The following THY1 variants were observed in gnomAD, a reference collection of about 807,000 sequenced individuals.
THY1 encodes the protein Thy-1 cell surface antigen.
THY1 carries 10 observed loss-of-function variants against 14.9 expected under a neutral mutation model. The observed-to-expected ratio is 0.67, with a 90% CI of 0.41 to 1.14. The LOEUF is 1.14. THY1 is among the 50% of genes most tolerant of loss of function. The probability of loss-of-function intolerance (pLI) is 0.00; values close to 1 mark genes in which losing one functional copy is unlikely to be tolerated. For missense variants in THY1, 159 were observed against 202.1 expected, an observed-to-expected ratio of 0.79 and a Z score of 1.29; for synonymous variants, 80 against 90.0, an observed-to-expected ratio of 0.89 and a Z score of 0.63.
chr11:119,423,562 G>A (rs1281217755), upstream of THY1: 1 of 214,756 alleles, frequency 4.7e-6, no homozygotes, highest in South Asian at 6.4e-5. Context: ...GATGCAGGCC[G>A]GGAGCGCCCA....
In THY1 at chr11:119,416,465, G is replaced by A. The variant is rs145720229; in HGVS notation, c.*2943C>T. ...CCAGTCCTCAGCATGGTCATTCCGG[G>A]TAGGTTTATTTTATTTTTTATTTTT... On this transcript the variant is annotated 3_prime_UTR_variant, in exon 4 of 4. Coordinates refer to ENST00000284240, the MANE Select transcript of THY1 (RefSeq NM_006288.5). Among the ~76,000 whole-genome samples, 688 of 152,194 alleles carry A rather than the reference G, an allele frequency of 4.5e-3. 10 individuals are homozygous for A. The highest frequency in any genetic ancestry group is 0.021 in the South Asian group (99 of 4,818).
rs1861868188 is a variant in THY1 at position 119,420,149 on chromosome 11, G to A, written c.275C>T (p.Ser92Phe). ...SKYNMKVLYL[S>F]AFTSKDEGTY... ...GCCCTCGTCCTTGCTAGTGAAGGCG[G>A]ATAAGTAGAGGACCTTCATGTTGTA... The change falls in exon 3 of 4, where the codon TCC becomes TTC. Residue 92 changes from serine to phenylalanine, a missense_variant. Coordinates refer to ENST00000284240, the MANE Select transcript of THY1 (RefSeq NM_006288.5). 6.2e-7 allele frequency: 1 copy of A among 1,614,252 alleles called. No homozygotes were observed. The highest frequency in any genetic ancestry group is 1.1e-5 in the South Asian group (1 of 91,074).
chr11:119,419,353 T>G lies in THY1; in HGVS notation c.*55A>C. The G allele has an allele frequency of 1.4e-6, 2 of 1,481,130 alleles. No individual in the cohort carries two copies. The highest frequency in any genetic ancestry group is 1.9e-6 in the Non-Finnish European group (2 of 1,067,256). The allele number at this position is 1,481,130 out of a possible 1,614,324, so 91.7% of individuals were successfully genotyped here. On this transcript the variant is annotated 3_prime_UTR_variant, in exon 4 of 4. Coordinates refer to ENST00000284240, the MANE Select transcript of THY1 (RefSeq NM_006288.5). ...GAGGGGGTCAGCTGACTCAGAGAAG[T>G]AGGATCTCTGCACTGGAACTTGAGG...
At position 119,422,701 on chromosome 11, in the gene THY1, C is replaced by G. The variant is rs1861932333; in HGVS notation, c.-25+412G>C. 9.0e-6 allele frequency: 2 copies of G among 223,430 alleles called. No homozygotes were observed. Among genetic ancestry groups the G allele is most frequent in the Non-Finnish European group, 1.8e-5 (2 of 111,580 alleles). 13.8% of individuals were successfully genotyped at this position (223,430 alleles called of 1,614,324 possible). A position where few individuals can be genotyped will look rare whatever the true frequency, so the allele number is the denominator to read the frequency against. On this transcript the variant is annotated intron_variant, in intron 1 of 3. Coordinates refer to ENST00000284240, the MANE Select transcript of THY1 (RefSeq NM_006288.5). This position sits in a 1 kb window ranked among gnomAD's most constrained non-coding sequence, Gnocchi z 7.0. ...GCACCCAGCCCGCCGCGAGGTCACCCGGCAGATTCCCTCTAGCTCGCCATC... is the reference window on the plus strand; with the variant it reads ...GCACCCAGCCCGCCGCGAGGTCACCGGGCAGATTCCCTCTAGCTCGCCATC...
rs1861838659 is a variant in THY1 at position 119,419,080 on chromosome 11, T to C, written c.*328A>G. ...CCCCACCATCCCACTACCCCTCACA[T>C]GCTCTCACTCTCCATCAGGTCCCCA... On this transcript the variant is annotated 3_prime_UTR_variant, in exon 4 of 4. Transcript: ENST00000284240. The C allele has an allele frequency of 2.8e-6, 1 of 363,078 alleles. No individual in the cohort carries two copies. Among genetic ancestry groups the C allele is most frequent in the Non-Finnish European group, 5.4e-6 (1 of 185,444 alleles). The allele number at this position is 363,078 out of a possible 1,614,324, so 22.5% of individuals were successfully genotyped here. A position where few individuals can be genotyped will look rare whatever the true frequency, so the allele number is the denominator to read the frequency against.
At position 119,415,582 on chromosome 11, in the gene THY1, C is replaced by T. The variant is rs1340271128; in HGVS notation, c.*3826G>A. Reference sequence around the variant, plus strand: ...CGCCTGCACTGCTGGGCACCTCCAGCCATCACAGCCCCTTCCTGGTGCAGA... The same window carrying T: ...CGCCTGCACTGCTGGGCACCTCCAGTCATCACAGCCCCTTCCTGGTGCAGA... On this transcript the variant is annotated 3_prime_UTR_variant, in exon 4 of 4. Transcript: ENST00000284240. Among the ~76,000 whole-genome samples the T allele has an allele frequency of 6.6e-6, 1 of 152,240 alleles. No individual in the cohort carries two copies. Among genetic ancestry groups the T allele is most frequent in the Admixed American group, 6.5e-5 (1 of 15,284 alleles).
Position 119,420,040 on chromosome 11 carries a change from G to C in THY1, c.373+11C>G. On this transcript the variant is annotated intron_variant, in intron 3 of 3. Transcript: ENST00000284240. Reference sequence around the variant, plus strand: ...CCCAGCTCACTTGACCTTGTTAGGGGCTTGTCTCACCTCTGAGCACTGTGA... The same window carrying C: ...CCCAGCTCACTTGACCTTGTTAGGGCCTTGTCTCACCTCTGAGCACTGTGA... 1 of 1,604,836 alleles carries C rather than the reference G, an allele frequency of 6.2e-7. No homozygotes were observed. The highest frequency in any genetic ancestry group is 8.5e-7 in the Non-Finnish European group (1 of 1,174,802).
intron 3 of THY1, 133 bp downstream of exon 3, chr11:119,419,918 G>A: frequency 1.0e-6 from 1 of 999,558 alleles, no homozygotes; most frequent in Non-Finnish European, 1.4e-6. Context: ...TTCCCCAGTT[G>A]ACCAGGCAGC....
Position 119,419,157 on chromosome 11 carries a change from A to T in THY1, c.*251T>A. 1 of 504,176 alleles carries T rather than the reference A, an allele frequency of 2.0e-6. No homozygotes were observed. Among genetic ancestry groups the T allele is most frequent in the South Asian group, 2.0e-5 (1 of 49,964 alleles). The allele number at this position is 504,176 out of a possible 1,614,324, so 31.2% of individuals were successfully genotyped here. On this transcript the variant is annotated 3_prime_UTR_variant, in exon 4 of 4. Coordinates refer to ENST00000284240, the MANE Select transcript of THY1 (RefSeq NM_006288.5). Reference sequence around the variant, plus strand: ...TCAAAGAAAAGGAAGGATAAAACCTAAATAAACCAGACAGAAGCAGCTCTG... The same window carrying T: ...TCAAAGAAAAGGAAGGATAAAACCTTAATAAACCAGACAGAAGCAGCTCTG...
rs923241186 is a variant in THY1 at position 119,418,879 on chromosome 11, T to A, written c.*529A>T. 4 of 169,960 alleles carry A rather than the reference T, an allele frequency of 2.4e-5. No individual in the cohort carries two copies. The highest frequency in any genetic ancestry group is 9.6e-5 in the African/African-American group (4 of 41,844). The allele number at this position is 169,960 out of a possible 1,614,324, so 10.5% of individuals were successfully genotyped here. Reference sequence around the variant, plus strand: ...TCTCCCTCACAAGGTAGGCCACAAATTCTTGGTGGTGCCCTCACATCTGGG... The same window carrying A: ...TCTCCCTCACAAGGTAGGCCACAAAATCTTGGTGGTGCCCTCACATCTGGG... On this transcript the variant is annotated 3_prime_UTR_variant, in exon 4 of 4. Transcript: ENST00000284240.
chr11:119,424,095 G>T (rs1285388749), upstream of THY1: 1 of 152,208 alleles, frequency 6.6e-6, no homozygotes, highest in African/African-American at 2.4e-5. Context: ...AGCTCTCAAG[G>T]GTGAGCCATT....
Position 119,420,072 on chromosome 11 carries a change from G to C in THY1, c.352C>G (p.Gln118Glu), listed in dbSNP as rs748523784. The part of the protein sequence containing the change: ...HSGHSPPISS[Q>E]NVTVLRDKLV... ...TCACCTCTGAGCACTGTGACGTTCTGGGAGGAGATGGGTGGGGAATGGCCA... is the reference window on the plus strand; with the variant it reads ...TCACCTCTGAGCACTGTGACGTTCTCGGAGGAGATGGGTGGGGAATGGCCA... The change falls in exon 3 of 4, where the codon CAG becomes GAG. Residue 118 changes from glutamine (Q) to glutamate (E), a missense_variant. Transcript: ENST00000284240. 6.2e-6 allele frequency: 10 copies of C among 1,613,700 alleles called. No individual in the cohort carries two copies.
At position 119,420,092 on chromosome 11, in the gene THY1, T is replaced by C. The variant is rs1413301059; in HGVS notation, c.332A>G (p.His111Arg). 1.2e-6 allele frequency: 2 copies of C among 1,614,196 alleles called. No individual in the cohort carries two copies. The highest frequency in any genetic ancestry group is 1.7e-5 in the Admixed American group (1 of 60,030). ...TYTCALHHSG[H>R]SPPISSQNVT... is the part of the protein sequence containing the mutation. ...GTTCTGGGAGGAGATGGGTGGGGAA[T>C]GGCCAGAGTGGTGGAGTGCACACGT... Residue 111 changes from histidine to arginine, a missense_variant, in exon 3 of 4, where the codon CAT (histidine) becomes CGT (arginine). Coordinates refer to ENST00000284240, the MANE Select transcript of THY1 (RefSeq NM_006288.5).
At position 119,420,170 on chromosome 11, in the gene THY1, T is replaced by C. The variant is rs1260849425; in HGVS notation, c.254A>G (p.Asn85Ser). The C allele has an allele frequency of 2.5e-6, 4 of 1,614,084 alleles. No homozygotes were observed. The African/African-American group carries it at 5.3e-5, about 22-fold the overall frequency. The stretch of plus-strand genomic sequence containing the variant: ...GGCGGATAAGTAGAGGACCTTCATG[T>C]TGTATTTGCTGGTGAAGTTGGTTCG... ...RSRTNFTSKYNMKVLYLSAFT... is the reference protein window; with the variant it reads ...RSRTNFTSKYSMKVLYLSAFT... Residue 85 changes from asparagine (N) to serine (S), a missense_variant, in exon 3 of 4, where the codon AAC becomes AGC. Physicochemically the swap from Asn to Ser is conservative, Grantham distance 46 (BLOSUM62 1). Coordinates refer to ENST00000284240, the MANE Select transcript of THY1 (RefSeq NM_006288.5).
Position 119,420,253 on chromosome 11 carries a change from C to T in THY1, c.171G>A (p.Glu57=). Residue 57 remains glutamate (E), a synonymous_variant, in exon 3 of 4, where the codon GAG becomes GAA. Transcript: ENST00000284240. ...TGCCAAAGAGCACGTGCTTCTTTGT[C>T]TCACGGGTCAGGCTGAACTCGTACT... ...PIQYEFSLTR[E]TKKHVLFGTV... is the part of the protein sequence containing the mutation. 1 of 1,614,264 alleles carries T rather than the reference C, an allele frequency of 6.2e-7. No homozygotes were observed.
At position 119,422,205 on chromosome 11, in the gene THY1, C is replaced by T. The variant is rs912582569; in HGVS notation, c.-25+908G>A. The T allele has an allele frequency of 2.0e-5, 3 of 152,356 alleles. No individual in the cohort carries two copies. Among genetic ancestry groups the T allele is most frequent in the African/African-American group, 7.2e-5 (3 of 41,468 alleles). 9.4% of individuals were successfully genotyped at this position (152,356 alleles called of 1,614,324 possible). A position where few individuals can be genotyped will look rare whatever the true frequency, so the allele number is the denominator to read the frequency against. ...CGGCTGCAGCTACAATCAATGCTCT[C>T]TCTGTCCCGGGGTGGAGCTGCTGCC... is the stretch of plus-strand genomic sequence containing the variant. On this transcript the variant is annotated intron_variant, in intron 1 of 3. Transcript: ENST00000284240. The surrounding 1 kb of genome is among the most constrained non-coding windows in gnomAD (Gnocchi z 7.0).
At chr11:119,420,696 A>G (rs972416971) in intron 2 of THY1, 173 bp downstream of exon 2, 2 of 865,742 alleles carry the variant, frequency 2.3e-6, no homozygotes, top group East Asian at 2.4e-5. Context: ...TGTGTTTTCA[A>G]AAACCACCTC....
At chr11:119,420,471 G>T (rs1565326584) in intron 2 of THY1, 85 bp from the exon 3 acceptor site, 2 of 1,318,204 alleles carry the variant, frequency 1.5e-6, no homozygotes, top group African/African-American at 1.5e-5. Flanking sequence ...GATGGGCCTG[G>T]CTAGGGAGGG....
At chr11:119,421,374 C>T (rs2135436677) in intron 1 of THY1, 1 of 153,262 alleles carries the variant, frequency 6.5e-6, no homozygotes, top group South Asian at 2.1e-4. Flanking sequence ...TTCAGCAGTG[C>T]TGGATACATT....
Sources: allele counts gnomAD v4.1 joint callset (sites outside exome capture counted in the v4.1 genomes callset), GRCh38; gene constraint gnomAD v4.1.1; non-coding constraint Gnocchi (gnomAD v3.1); transcripts MANE v1.5; gene names NCBI Gene and HGNC (gene_info 2026-07-23, HGNC 2026-07-21).